Variants in VPS13A observed in about 807,000 individuals in gnomAD.
VPS13A encodes the protein intermembrane lipid transfer protein VPS13A.
A neutral mutation model predicts 390.9 loss-of-function variants in VPS13A; 264 were observed. The ratio of observed to expected loss-of-function variants is 0.68; its 90% CI spans 0.61 to 0.75. The LOEUF (loss-of-function observed/expected upper bound fraction) is 0.75. Ranked by LOEUF, VPS13A falls within the 30% of genes least tolerant of loss-of-function variation. The pLI, the probability that VPS13A is intolerant of heterozygous loss-of-function variation, is 0.00. For missense variants in VPS13A, 3,409 were observed against 3,733.9 expected (o/e 0.91, Z 2.27); for synonymous variants, 1,231 against 1,227.1 (o/e 1.00, Z -0.07).
chr9:77,200,067 T>A, intron 2 of VPS13A, 79 bp downstream of exon 2: 1 of 1,259,812 alleles, frequency 7.9e-7, no homozygotes, highest in Non-Finnish European at 1.1e-6. Flanking sequence ...TTTGTCACCT[T>A]AAATTATTTA....
intron 67 of VPS13A, among the ~76,000 whole-genome samples, chr9:77,378,384 A>G (rs1833229749): frequency 6.6e-6 from 1 of 152,182 alleles, no homozygotes; most frequent in Non-Finnish European, 1.5e-5. Flanking sequence ...TAGTTTTTAT[A>G]GGAATTTGTT....
intron 7 of VPS13A, among the ~76,000 whole-genome samples, chr9:77,211,890 T>G (rs139611590): frequency 6.6e-6 from 1 of 152,172 alleles, no homozygotes; most frequent in Admixed American, 6.5e-5. Context: ...GGAGTGAGCA[T>G]TACCGCCTGA....
At chr9:77,314,766 T>G in intron 37 of VPS13A, 102 bp downstream of exon 37, 1 of 1,151,014 alleles carries the variant, frequency 8.7e-7, no homozygotes. Flanking sequence ...GAGTGCATCC[T>G]AGGTTCTTTA....
intron 67 of VPS13A, among the ~76,000 whole-genome samples, chr9:77,375,745 A>G (rs112662003): frequency 3.9e-5 from 6 of 152,364 alleles, no homozygotes; most frequent in African/African-American, 1.4e-4. Flanking sequence ...TTATCTGAAT[A>G]GAGTTAACAA....
At chr9:77,359,307 A>G (rs1832000844) in intron 57 of VPS13A, 26 bp from the exon 58 acceptor site, 1 of 1,600,268 alleles carries the variant, frequency 6.2e-7, no homozygotes, top group African/African-American at 1.3e-5. Flanking sequence ...GCATCATGGG[A>G]GTAATTATAT....
At chr9:77,333,585 T>C (rs1266962499) in intron 46 of VPS13A, among the ~76,000 whole-genome samples, 1 of 152,094 alleles carries the variant, frequency 6.6e-6, no homozygotes, top group African/African-American at 2.4e-5. Context: ...CAGCTAATTT[T>C]GTATTTTTAG....
In VPS13A at chr9:77,323,213, C is replaced by G; in HGVS notation, c.5977C>G (p.Arg1993Gly). ...TVEGSKKVTIRSPVQIRNHFS... is the reference protein window; with the variant it reads ...TVEGSKKVTIGSPVQIRNHFS... ...AGAAGGAAGTAAGAAGGTCACAATT[C>G]GCTCCCCAGTGCAGGTATGAAATGA... The change falls in exon 45 of 72, where the codon CGC becomes GGC. Residue 1993 changes from arginine (R) to glycine (G), a missense_variant. Arg to Gly is a moderately radical substitution (Grantham distance 125). Around this residue, in one of 5 missense-constraint regions of VPS13A, gnomAD observed 2,717 missense variants for 2,917.4 expected, o/e 0.93. Transcript: ENST00000360280. 6.2e-7 allele frequency: 1 copy of G among 1,613,054 alleles called. No homozygotes were observed. The highest frequency in any genetic ancestry group is 8.5e-7 in the Non-Finnish European group (1 of 1,179,326).
intron 33 of VPS13A, among the ~76,000 whole-genome samples, chr9:77,298,768 G>A (rs1240615226): frequency 1.3e-5 from 2 of 152,136 alleles, no homozygotes; most frequent in African/African-American, 4.8e-5. Context: ...GGACCTGGTG[G>A]GAGATAATTG....
chr9:77,269,577 G>A (rs1389522017), intron 23 of VPS13A, among the ~76,000 whole-genome samples: 1 of 152,098 alleles, frequency 6.6e-6, no homozygotes, highest in African/African-American at 2.4e-5. Flanking sequence ...GCTGAGATTT[G>A]GATAGAAATT....
chr9:77,393,144 A>C lies in VPS13A; in HGVS notation c.9190-10092A>C, dbSNP rs182603201. ...TTGTTGTCATTTAAACAATCATAGA[A>C]TCTTCCCCGATAATAGATTCCATCT... On this transcript the variant is annotated intron_variant, in intron 68 of 71. Coordinates refer to ENST00000360280, the MANE Select transcript of VPS13A (RefSeq NM_033305.3). 3.9e-5 allele frequency among the ~76,000 whole-genome samples: 6 copies of C among 152,312 alleles called. No homozygotes were observed. The East Asian group carries it at 1.2e-3, about 29-fold the overall frequency.
At chr9:77,330,471 A>G (rs1376779719) in intron 45 of VPS13A, among the ~76,000 whole-genome samples, 1 of 152,212 alleles carries the variant, frequency 6.6e-6, no homozygotes, top group Non-Finnish European at 1.5e-5. Context: ...CTAAATTTGA[A>G]AGGGAAAACA....
intron 57 of VPS13A, 42 bp from the exon 58 acceptor site, chr9:77,359,291 C>G (rs749004836): frequency 6.4e-7 from 1 of 1,555,676 alleles, no homozygotes; most frequent in Non-Finnish European, 8.9e-7. Context: ...CTAGCTTTTG[C>G]TTAAAGCATC....
chr9:77,411,633 A>T (rs1185304652), intron 71 of VPS13A, among the ~76,000 whole-genome samples: 1 of 137,432 alleles, frequency 7.3e-6, no homozygotes, highest in East Asian at 2.4e-4. Context: ...ACTGCACTCC[A>T]GCCTAGGCAA....
intron 54 of VPS13A, among the ~76,000 whole-genome samples, chr9:77,356,121 A>G (rs533803077): frequency 6.6e-6 from 1 of 152,246 alleles, no homozygotes; most frequent in African/African-American, 2.4e-5. Context: ...TATAAGTCTT[A>G]CTTTATTTTC....
At chr9:77,231,532 T>G (rs1823830657) in intron 17 of VPS13A, among the ~76,000 whole-genome samples, 1 of 152,188 alleles carries the variant, frequency 6.6e-6, no homozygotes, top group Non-Finnish European at 1.5e-5. Flanking sequence ...TGACTAATGA[T>G]GTTCAGCATC....
At position 77,195,600 on chromosome 9, in the gene VPS13A, G is replaced by T. The variant is rs183532116; in HGVS notation, c.101-4345G>T. ...AAAAATACAAAAATTAGCTGGGCAT[G>T]GTGGTGGGCCCCTGTAATCCCAGCT... On this transcript the variant is annotated intron_variant, in intron 1 of 71. Coordinates refer to ENST00000360280, the MANE Select transcript of VPS13A (RefSeq NM_033305.3). 5.8e-3 allele frequency among the ~76,000 whole-genome samples: 878 copies of T among 152,192 alleles called. 12 individuals are homozygous for T. Among genetic ancestry groups the T allele is most frequent in the African/African-American group, 0.02 (847 of 41,548 alleles).
intron 71 of VPS13A, among the ~76,000 whole-genome samples, chr9:77,412,804 A>C (rs1422979847): frequency 6.6e-6 from 1 of 150,740 alleles, no homozygotes; most frequent in Non-Finnish European, 1.5e-5. Context: ...AGAGAAAGTC[A>C]AATTGTCCCT....
intron 64 of VPS13A, 39 bp downstream of exon 64, chr9:77,370,371 A>T (rs1190456395): frequency 1.9e-6 from 3 of 1,614,138 alleles, no homozygotes; most frequent in Non-Finnish European, 2.5e-6. Context: ...TTTGTGCTAG[A>T]AAGTAATGGC....
chr9:77,351,547 G>C, intron 53 of VPS13A, 101 bp downstream of exon 53: 1 of 1,406,058 alleles, frequency 7.1e-7, no homozygotes, highest in Non-Finnish European at 1.0e-6. Context: ...ACTTTTGGGA[G>C]GCTGAGGTGG....
Sources: allele counts gnomAD v4.1 joint callset (sites outside exome capture counted in the v4.1 genomes callset), GRCh38; gene constraint gnomAD v4.1.1; regional missense constraint gnomAD v4.1.1; transcripts MANE v1.5; gene names NCBI Gene and HGNC (gene_info 2026-07-23, HGNC 2026-07-21).